The following PRH1 variants were observed in gnomAD, a reference collection of about 807,000 sequenced individuals.
PRH1 encodes the protein proline rich protein HaeIII subfamily 1.
In PRH1, 7 loss-of-function variants were observed where a neutral mutation model predicts 7.9. The ratio of observed to expected loss-of-function variants is 0.89; its 90% CI spans 0.50 to 1.67. The LOEUF is 1.67. Among genes scored for constraint, PRH1 ranks in the 40% most tolerant of loss-of-function variants. The pLI, the probability that PRH1 is intolerant of heterozygous loss-of-function variation, is 0.00. For synonymous variants in PRH1, 45 were observed against 80.8 expected (o/e 0.56, Z 2.38); for missense variants, 109 against 223.6 (o/e 0.49, Z 3.27).
intron 2 of PRH1, among the ~76,000 whole-genome samples, chr12:10,889,919 G>A (rs1032680331): frequency 2.0e-5 from 3 of 151,706 alleles, no homozygotes; most frequent in Non-Finnish European, 2.9e-5. Context: ...TTCATTTTGA[G>A]TGTCTACCTT....
chr12:11,141,097 T>C (rs1314795665), intron 1 of PRH1, among the ~76,000 whole-genome samples: 1 of 152,122 alleles, frequency 6.6e-6, no homozygotes, highest in Non-Finnish European at 1.5e-5. Context: ...GGAGGAATTA[T>C]TGTCCTATAA....
intron 1 of PRH1, among the ~76,000 whole-genome samples, chr12:11,093,401 G>A (rs1234402665): frequency 8.7e-6 from 1 of 115,094 alleles, no homozygotes; most frequent in Middle Eastern, 3.6e-3. Flanking sequence ...AAATACACAC[G>A]TGCACACCAC....
intron 2 of PRH1, chr12:10,908,558 A>G: frequency 6.2e-7 from 1 of 1,614,004 alleles, no homozygotes; most frequent in Non-Finnish European, 8.5e-7. Context: ...ATATGAGAAC[A>G]CATAGAAAGA....
chr12:10,951,321 A>T (rs918060176), intron 2 of PRH1, among the ~76,000 whole-genome samples: 7 of 152,186 alleles, frequency 4.6e-5, no homozygotes, highest in Non-Finnish European at 8.8e-5. Context: ...TACATAGATC[A>T]TATATTGGAT....
intron 2 of PRH1, among the ~76,000 whole-genome samples, chr12:10,927,665 C>T (rs1166322296): frequency 6.6e-6 from 1 of 152,196 alleles, no homozygotes; most frequent in Non-Finnish European, 1.5e-5. Flanking sequence ...CCAGACCAGA[C>T]CCTCGTATGC....
At chr12:10,882,082 A>G in intron 3 of PRH1, 135 bp downstream of exon 3, 5 of 1,503,714 alleles carry the variant, frequency 3.3e-6, no homozygotes, top group Non-Finnish European at 3.6e-6. Flanking sequence ...ATACAAGAAT[A>G]TCTGAATAAC....
chr12:10,973,705 A>C, exon 2 of PRH1: 1 of 780,230 alleles, frequency 1.3e-6, no homozygotes, highest in Non-Finnish European at 2.4e-6. Context: ...AGCAGGCAAA[A>C]TATTCTTCTG....
chr12:11,099,443 C>G (rs1945166159), intron 1 of PRH1, among the ~76,000 whole-genome samples: 1 of 152,052 alleles, frequency 6.6e-6, no homozygotes, highest in African/African-American at 2.4e-5. Context: ...AAATGAAATC[C>G]AGGCCAGGTG....
At chr12:11,133,948 A>T in intron 1 of PRH1, 1 of 1,614,174 alleles carries the variant, frequency 6.2e-7, no homozygotes, top group Non-Finnish European at 8.5e-7. Context: ...TGAGGCTAGT[A>T]GCAAGCCAGC....
chr12:10,938,964 AC>A, intron 2 of PRH1: 1 of 1,613,646 alleles, frequency 6.2e-7, no homozygotes, highest in Non-Finnish European at 8.5e-7. Context: ...AGCATTCTGA[AC>A]ATTTTTTCAG....
At chr12:11,107,384 G>A (rs1008243824) in intron 1 of PRH1, among the ~76,000 whole-genome samples, 1 of 152,104 alleles carries the variant, frequency 6.6e-6, no homozygotes, top group Admixed American at 6.5e-5. Context: ...AGAAATAAAA[G>A]GCCAAAATTA....
intron 2 of PRH1, among the ~76,000 whole-genome samples, chr12:10,943,838 A>G (rs992834400): frequency 1.3e-5 from 2 of 152,184 alleles, no homozygotes. Flanking sequence ...TCTTGTTCCC[A>G]TAGCTTGTTT....
chr12:10,930,347 C>G, intron 2 of PRH1: 1 of 1,594,742 alleles, frequency 6.3e-7, no homozygotes, highest in Non-Finnish European at 8.6e-7. Context: ...CTCCATTTTT[C>G]CCTGAAAAAT....
At chr12:10,992,513 G>A (rs1369385601) in intron 1 of PRH1, among the ~76,000 whole-genome samples, 1 of 152,040 alleles carries the variant, frequency 6.6e-6, no homozygotes, top group African/African-American at 2.4e-5. Flanking sequence ...TCAAATTCCT[G>A]GGCTAAACTG....
At chr12:11,096,612 C>G (rs2136273329) in intron 1 of PRH1, among the ~76,000 whole-genome samples, 2 of 115,248 alleles carry the variant, frequency 1.7e-5, no homozygotes, top group Middle Eastern at 4.0e-3. Context: ...AAATTGATTT[C>G]ATGTCAATAG....
At chr12:11,054,800 T>C (rs1427639088) in intron 1 of PRH1, among the ~76,000 whole-genome samples, 17 of 131,214 alleles carry the variant, frequency 1.3e-4, no homozygotes, top group South Asian at 5.4e-4. Flanking sequence ...TGTTTCTTTT[T>C]TTTTTTTTTT....
rs145838409 is a variant in PRH1, at chr12:10,897,608, G to A, written c.-58-13333C>T. ...TCACAGGCTGTACAGGAAGCATGGCGGCATCTGTTTCTGGGGAGGCCTCAG... is the reference window on the plus strand; with the variant it reads ...TCACAGGCTGTACAGGAAGCATGGCAGCATCTGTTTCTGGGGAGGCCTCAG... On this transcript the variant is annotated intron_variant, in intron 2 of 3. Transcript: ENST00000539853. 3.8e-3 allele frequency among the ~76,000 whole-genome samples: 583 copies of A among 152,282 alleles called. 5 individuals carry two copies. Among genetic ancestry groups the A allele is most frequent in the African/African-American group, 0.013 (527 of 41,542 alleles).
At chr12:10,985,875 A>G in intron 1 of PRH1, 2 of 1,331,820 alleles carry the variant, frequency 1.5e-6, no homozygotes, top group Admixed American at 2.3e-5. Context: ...AAAATGTTCC[A>G]GACACTATCA....
intron 2 of PRH1, chr12:10,930,793 G>T (rs1310706856): frequency 6.2e-7 from 1 of 1,610,694 alleles, no homozygotes. Flanking sequence ...CCAACAAGGA[G>T]GCCAGCAGCA....
Sources: allele counts gnomAD v4.1 joint callset (sites outside exome capture counted in the v4.1 genomes callset), GRCh38; gene constraint gnomAD v4.1.1; transcripts MANE v1.5; gene names NCBI Gene and HGNC (gene_info 2026-07-23, HGNC 2026-07-21).